The following SYT16 variants were observed in gnomAD, a reference collection of about 807,000 sequenced individuals.
SYT16 encodes synaptotagmin-16.
SYT16 carries 42 observed loss-of-function variants against 61.4 expected under a neutral mutation model. That is an observed-to-expected ratio of 0.68 (90% CI 0.53 to 0.89). The LOEUF is 0.89. Ranked by LOEUF, SYT16 falls within the 40% of genes least tolerant of loss-of-function variation. SYT16 has a pLI of 0.00. For missense variants in SYT16, 804 were observed against 807.3 expected, an observed-to-expected ratio of 1.00 and a Z score of 0.05; for synonymous variants, 314 against 302.3, an observed-to-expected ratio of 1.04 and a Z score of -0.40.
At position 62,086,483 on chromosome 14, in the gene SYT16, AAAAC is replaced by A. The variant is rs1209780828; in HGVS notation, c.1624+2105_1624+2108del. On this transcript the variant is annotated intron_variant, in intron 7 of 7. Transcript: ENST00000683842. ...TGACAGAATGAGACTGTGTCTCAAA[AAAAC>A]AAACAACAACAAACAAACAAACAAA... is the stretch of plus-strand genomic sequence containing the variant. Among the ~76,000 whole-genome samples the A allele has an allele frequency of 5.9e-5, 9 of 152,080 alleles. No individual in the cohort carries two copies. In the East Asian group the frequency reaches 1.3e-3, roughly 23 times the overall value.
At chr14:61,876,623 A>T (rs549347227) in intron 1 of SYT16, among the ~76,000 whole-genome samples, 1 of 152,368 alleles carries the variant, frequency 6.6e-6, no homozygotes, top group Admixed American at 6.5e-5. Context: ...CTGGGTAAAA[A>T]TAGTGCCACT....
At chr14:61,993,413 G>A (rs1232262277) in intron 2 of SYT16, among the ~76,000 whole-genome samples, 1 of 151,842 alleles carries the variant, frequency 6.6e-6, no homozygotes, top group Non-Finnish European at 1.5e-5. Context: ...ATGTATCCCA[G>A]AACTGAAATA....
chr14:61,983,123 G>A (rs1423778428), intron 2 of SYT16, among the ~76,000 whole-genome samples: 1 of 152,184 alleles, frequency 6.6e-6, no homozygotes, highest in African/African-American at 2.4e-5. Context: ...GCATTGAAGT[G>A]GGTGTCTACG....
chr14:62,047,029 G>A (rs571564017), intron 3 of SYT16, among the ~76,000 whole-genome samples: 87 of 152,278 alleles, frequency 5.7e-4, no homozygotes, highest in Non-Finnish European at 9.4e-4. Flanking sequence ...CACTGAATCT[G>A]TAAATTACCT....
At chr14:61,891,085 T>G (rs575570962) in intron 1 of SYT16, among the ~76,000 whole-genome samples, 28 of 152,308 alleles carry the variant, frequency 1.8e-4, no homozygotes, top group Non-Finnish European at 2.9e-4. Context: ...ACTTTGCTTC[T>G]TTTGCCTTTT....
intron 7 of SYT16, among the ~76,000 whole-genome samples, chr14:62,096,802 T>A (rs374613809): frequency 6.6e-6 from 1 of 152,186 alleles, no homozygotes; most frequent in South Asian, 2.1e-4. Context: ...TCAGTTGCAA[T>A]GTTTTATTTC....
intron 3 of SYT16, among the ~76,000 whole-genome samples, chr14:62,052,514 A>G (rs181224372): frequency 1.3e-4 from 20 of 152,284 alleles, no homozygotes. Context: ...ATTACTATGT[A>G]TACTTTGATT....
chr14:62,022,255 A>G (rs1201334845), intron 3 of SYT16, among the ~76,000 whole-genome samples: 6 of 152,094 alleles, frequency 3.9e-5, no homozygotes, highest in African/African-American at 1.4e-4. Flanking sequence ...TTCTTAGCAT[A>G]TATGTGTTTG....
intron 1 of SYT16, among the ~76,000 whole-genome samples, chr14:61,836,073 A>G (rs2046118310): frequency 6.6e-6 from 1 of 152,162 alleles, no homozygotes; most frequent in African/African-American, 2.4e-5. Context: ...CGTAGCAATC[A>G]GTGTTTTGAT....
At position 61,996,528 on chromosome 14, in the gene SYT16, A is replaced by G. The variant is rs755942696; in HGVS notation, c.509A>G (p.Asn170Ser). Reference protein sequence around the residue: ...SQLPGTLETVNGKKQVNSFGD... With the variant: ...SQLPGTLETVSGKKQVNSFGD... ...CTCCCTGGTACTTTAGAAACTGTTA[A>G]TGGAAAAAAGCAAGGTAAGCTAGCC... is the stretch of plus-strand genomic sequence containing the variant. The change falls in exon 3 of 8, where the codon AAT (asparagine) becomes AGT (serine). Residue 170 changes from asparagine (N) to serine (S), a missense_variant. Asn to Ser is a conservative substitution (Grantham distance 46). Coordinates refer to ENST00000683842, the MANE Select transcript of SYT16 (RefSeq NM_001367656.1). 1.3e-6 allele frequency: 2 copies of G among 1,598,818 alleles called. No individual in the cohort carries two copies. The highest frequency in any genetic ancestry group is 1.3e-5 in the African/African-American group (1 of 74,512).
chr14:61,844,309 A>G (rs111257112), intron 1 of SYT16, among the ~76,000 whole-genome samples: 1,696 of 152,274 alleles, frequency 0.011, 13 homozygotes, highest in Non-Finnish European at 0.014. Context: ...TTTTCCAAAT[A>G]TAAGATCATA....
chr14:61,864,690 C>T (rs2047080584), intron 1 of SYT16, among the ~76,000 whole-genome samples: 1 of 152,264 alleles, frequency 6.6e-6, no homozygotes, highest in African/African-American at 2.4e-5. Flanking sequence ...ACCCTAGACC[C>T]GCTCCGCCGA....
chr14:61,981,951 GAA>G (rs1303543792), intron 2 of SYT16, among the ~76,000 whole-genome samples: 1 of 152,132 alleles, frequency 6.6e-6, no homozygotes, highest in Non-Finnish European at 1.5e-5. Context: ...AATTGCTGTG[GAA>G]ATGTTTAACA....
At chr14:61,878,425 G>A (rs963592129) in intron 1 of SYT16, among the ~76,000 whole-genome samples, 1 of 152,138 alleles carries the variant, frequency 6.6e-6, no homozygotes, top group African/African-American at 2.4e-5. Context: ...GAAACACTGT[G>A]GGGCAGCTTT....
chr14:62,046,628 A>G (rs1035197007), intron 3 of SYT16, among the ~76,000 whole-genome samples: 20 of 152,100 alleles, frequency 1.3e-4, no homozygotes, highest in African/African-American at 2.9e-4. Flanking sequence ...ATTAATTTTT[A>G]TATAAGGTGT....
chr14:61,870,712 C>T (rs1312097691), intron 1 of SYT16, among the ~76,000 whole-genome samples: 4 of 152,114 alleles, frequency 2.6e-5, no homozygotes, highest in Non-Finnish European at 5.9e-5. Flanking sequence ...CCTAAATCTT[C>T]TACAATAACT....
At chr14:61,953,360 G>A (rs903099659) in intron 1 of SYT16, among the ~76,000 whole-genome samples, 31 of 152,230 alleles carry the variant, frequency 2.0e-4, no homozygotes, top group African/African-American at 6.7e-4. Context: ...CAAAGCAAGA[G>A]AAATGGTCCA....
At chr14:62,035,069 C>G (rs10498491) in intron 3 of SYT16, among the ~76,000 whole-genome samples, 58,570 of 152,002 alleles carry the variant, frequency 0.39, 12,761 homozygotes, top group African/African-American at 0.6. Context: ...TACATATGTC[C>G]TCTGTTTTTC....
chr14:61,922,620 A>G (rs575622111), intron 1 of SYT16, among the ~76,000 whole-genome samples: 1 of 152,318 alleles, frequency 6.6e-6, no homozygotes, highest in East Asian at 1.9e-4. Flanking sequence ...AATCTATACA[A>G]CAAACCCCTG....
Sources: gnomAD v4.1 joint callset for allele counts (sites outside exome capture counted in the v4.1 genomes callset) on GRCh38, gnomAD v4.1.1 for gene constraint, MANE v1.5 for transcripts, NCBI Gene and HGNC (gene_info 2026-07-23, HGNC 2026-07-21) for gene names.